The following NRAP variants were observed in gnomAD, a reference collection of about 807,000 sequenced individuals.
NRAP encodes the protein nebulin related anchoring protein.
Under a neutral mutation model 225.9 loss-of-function variants are expected in NRAP, and 189 were observed. The ratio of observed to expected loss-of-function variants is 0.84; its 90% CI spans 0.74 to 0.94. NRAP has a LOEUF of 0.94. Among genes scored for constraint, NRAP ranks in the 40% least tolerant of loss-of-function variants. The pLI is 0.00. For synonymous variants in NRAP, 769 were observed against 790.7 expected (o/e 0.97, Z 0.46); for missense variants, 2,176 against 2,168.7 (o/e 1.00, Z -0.07).
chr10:113,626,360 T>C (rs1055494115), intron 20 of NRAP, among the ~76,000 whole-genome samples: 1 of 152,174 alleles, frequency 6.6e-6, no homozygotes, highest in African/African-American at 2.4e-5. Flanking sequence ...GAATGGGAAA[T>C]GTAATTTTCT....
At chr10:113,610,852 T>C (rs1564712649) in intron 30 of NRAP, among the ~76,000 whole-genome samples, 1 of 152,172 alleles carries the variant, frequency 6.6e-6, no homozygotes. Flanking sequence ...ATGTGGGCTA[T>C]CAAAAAATAA....
At chr10:113,628,692 T>A (rs1848414307) in intron 20 of NRAP, among the ~76,000 whole-genome samples, 1 of 152,242 alleles carries the variant, frequency 6.6e-6, no homozygotes, top group Non-Finnish European at 1.5e-5. Context: ...ATGTAACTGC[T>A]ACTTAAAGTA....
intron 10 of NRAP, among the ~76,000 whole-genome samples, chr10:113,646,599 T>C (rs1208703769): frequency 6.6e-6 from 1 of 152,258 alleles, no homozygotes; most frequent in Non-Finnish European, 1.5e-5. Context: ...ATATGACTTA[T>C]TTTAATCAGC....
chr10:113,637,976 G>T (rs1469459334), intron 14 of NRAP, among the ~76,000 whole-genome samples: 2 of 152,002 alleles, frequency 1.3e-5, no homozygotes, highest in African/African-American at 4.8e-5. Flanking sequence ...AAGGAGAAAA[G>T]TTTTTGCATG....
At position 113,645,812 on chromosome 10, in the gene NRAP, C is replaced by T. The variant is rs776368973; in HGVS notation, c.1110+13G>A. ...GGTGATGCTCATGGGTGTGACTCTT[C>T]CCCCATACGCACCTCACTCACGAGT... On this transcript the variant is annotated intron_variant, in intron 11 of 41. Transcript: ENST00000359988. 1.2e-5 allele frequency: 16 copies of T among 1,315,468 alleles called. No individual in the cohort carries two copies. Among genetic ancestry groups the T allele is most frequent in the African/African-American group, 4.3e-5 (3 of 70,182 alleles). 81.5% of individuals were successfully genotyped at this position (1,315,468 alleles called of 1,614,324 possible).
At chr10:113,623,486 G>T in intron 23 of NRAP, 43 bp downstream of exon 23, 1 of 1,284,674 alleles carries the variant, frequency 7.8e-7, no homozygotes, top group Non-Finnish European at 1.1e-6. Context: ...GTATAAAAAG[G>T]CAGGATTCTG....
intron 20 of NRAP, among the ~76,000 whole-genome samples, chr10:113,626,871 C>A (rs1435094659): frequency 6.6e-6 from 1 of 152,234 alleles, no homozygotes; most frequent in East Asian, 1.9e-4. Context: ...TTTCAATGTG[C>A]TAATTCTGTC....
At chr10:113,647,577 T>TGGTACTGTCTCCCCC (rs1564752674) in intron 9 of NRAP, among the ~76,000 whole-genome samples, 1 of 29,344 alleles carries the variant, frequency 3.4e-5, no homozygotes, top group Non-Finnish European at 8.8e-5. Context: ...CTGCCTCCCC[T>TGGTACTGTCTCCCCC]GGTGGTACTT....
intron 19 of NRAP, among the ~76,000 whole-genome samples, chr10:113,629,313 G>A (rs1202678253): frequency 6.6e-6 from 1 of 152,054 alleles, no homozygotes; most frequent in Non-Finnish European, 1.5e-5. Context: ...AAATTTCCAA[G>A]ATTTATTTAC....
chr10:113,624,851 C>G lies in NRAP; in HGVS notation c.2324G>C (p.Arg775Pro). The change falls in exon 22 of 42, where the codon CGA becomes CCA. Residue 775 changes from arginine to proline, a missense_variant. Physicochemically the swap from Arg to Pro is moderately radical, Grantham distance 103. Around this residue, in one of 3 missense-constraint regions of NRAP, gnomAD observed 1,708 missense variants for 1,695.5 expected, o/e 1.01. Coordinates refer to ENST00000359988, the MANE Select transcript of NRAP (RefSeq NM_198060.4). ...SKDEPLFLQA[R>P]ANAANLSEKL... ...CTCGCTGAGATTTGCAGCATTGGCT[C>G]GGGCCTGCAGGAAGAGAGGCTCGTC... is the stretch of plus-strand genomic sequence containing the variant. 2 of 1,614,008 alleles carry G rather than the reference C, an allele frequency of 1.2e-6. No homozygotes were observed. Among genetic ancestry groups the G allele is most frequent in the Non-Finnish European group, 1.7e-6 (2 of 1,179,904 alleles).
chr10:113,624,727 T>C, intron 22 of NRAP, 99 bp downstream of exon 22: 1 of 808,234 alleles, frequency 1.2e-6, no homozygotes. Flanking sequence ...GTAACCTCAG[T>C]TGATACAGAC....
At position 113,646,982 on chromosome 10, in the gene NRAP, G is replaced by T. The variant is rs767436238; in HGVS notation, c.934C>A (p.Pro312Thr). ...YEEHRGKGSF[P>T]AMITPAYQNA... The stretch of plus-strand genomic sequence containing the variant: ...TGATATGCTGGAGTGATCATAGCTG[G>T]GAAGCTGCCCTTTCCCCTGTGCTCC... Residue 312 changes from proline (P) to threonine (T), a missense_variant, in exon 10 of 42, where the codon CCA becomes ACA. This residue lies in a region of NRAP where 1,708 missense variants were observed against 1,695.5 expected (regional missense o/e 1.01). Transcript: ENST00000359988. 2 of 1,613,950 alleles carry T rather than the reference G, an allele frequency of 1.2e-6. No individual in the cohort carries two copies. Among genetic ancestry groups the T allele is most frequent in the East Asian group, 2.2e-5 (1 of 44,886 alleles).
In NRAP at chr10:113,620,611, A is replaced by T; in HGVS notation, c.2867T>A (p.Ile956Asn). ...VEQAKKAGELISEKKYRQHPD... is the reference protein window; with the variant it reads ...VEQAKKAGELNSEKKYRQHPD... Reference sequence around the variant, plus strand: ...GCTGTCAGGAAATCTCACCTCGCTAATGAGTTCTCCTGCCTTCTTCGCCTG... The same window carrying T: ...GCTGTCAGGAAATCTCACCTCGCTATTGAGTTCTCCTGCCTTCTTCGCCTG... The change falls in exon 25 of 42, where the codon ATT (isoleucine) becomes AAT (asparagine). Residue 956 changes from isoleucine to asparagine, a missense_variant. Transcript: ENST00000359988. 9 of 1,607,312 alleles carry T rather than the reference A, an allele frequency of 5.6e-6. No individual in the cohort carries two copies. Among genetic ancestry groups the T allele is most frequent in the Non-Finnish European group, 7.7e-6 (9 of 1,173,958 alleles).
chr10:113,643,329 G>C (rs1187576472), intron 11 of NRAP, among the ~76,000 whole-genome samples: 1 of 152,144 alleles, frequency 6.6e-6, no homozygotes, highest in East Asian at 1.9e-4. Context: ...TTACAACTCA[G>C]GTAGTTACTC....
chr10:113,620,587 C>G lies in NRAP; in HGVS notation c.2874+17G>C. 6.7e-7 allele frequency: 1 copy of G among 1,499,854 alleles called. No homozygotes were observed. The highest frequency in any genetic ancestry group is 9.3e-7 in the Non-Finnish European group (1 of 1,075,938). The allele number at this position is 1,499,854 out of a possible 1,614,324, so 92.9% of individuals were successfully genotyped here. A position where few individuals can be genotyped will look rare whatever the true frequency, so the allele number is the denominator to read the frequency against. ...CTAATGCAGCCAGGCCTGTTACAGG[C>G]TGTCAGGAAATCTCACCTCGCTAAT... is the stretch of plus-strand genomic sequence containing the variant. On this transcript the variant is annotated intron_variant, in intron 25 of 41. Coordinates refer to ENST00000359988, the MANE Select transcript of NRAP (RefSeq NM_198060.4).
In NRAP at chr10:113,653,941, T is replaced by C. The variant is rs567173786; in HGVS notation, c.465+80A>G. ...GATAGCATCATTCTGTCTACCGAAA[T>C]TGTAAAAGTCAAGGAACAGTCAAAC... On this transcript the variant is annotated intron_variant, in intron 5 of 41. Transcript: ENST00000359988. 3 of 861,854 alleles carry C rather than the reference T, an allele frequency of 3.5e-6. No individual in the cohort carries two copies. In the African/African-American group the frequency reaches 5.0e-5, roughly 14 times the overall value. 53.4% of individuals were successfully genotyped at this position (861,854 alleles called of 1,614,324 possible).
At position 113,588,972 on chromosome 10, in the gene NRAP, G is replaced by A. The variant is rs1845751741; in HGVS notation, c.*3C>T. On this transcript the variant is annotated 3_prime_UTR_variant, in exon 42 of 42. Coordinates refer to ENST00000359988, the MANE Select transcript of NRAP (RefSeq NM_198060.4). ...GCCTCTCAGGAATCAGGGTGGACAT[G>A]GCTCACAACAGCAGGGCCTTCTTCT... 6.2e-7 allele frequency: 1 copy of A among 1,610,496 alleles called. No individual in the cohort carries two copies.
chr10:113,653,064 A>G (rs1190601960), intron 5 of NRAP, 25 bp from the exon 6 acceptor site: 3 of 1,312,874 alleles, frequency 2.3e-6, no homozygotes, highest in South Asian at 1.3e-5. Context: ...CAATGTCAGC[A>G]TGAGAACTGA....
At chr10:113,640,398 TG>T (rs1849134675) in intron 13 of NRAP, 67 bp from the exon 14 acceptor site, 2 of 875,628 alleles carry the variant, frequency 2.3e-6, no homozygotes, top group Admixed American at 2.6e-5. Flanking sequence ...TTTGTTTGAA[TG>T]CCATAAGAAA....
Sources: allele counts gnomAD v4.1 joint callset (sites outside exome capture counted in the v4.1 genomes callset), GRCh38; gene constraint gnomAD v4.1.1; regional missense constraint gnomAD v4.1.1; transcripts MANE v1.5; gene names NCBI Gene and HGNC (gene_info 2026-07-23, HGNC 2026-07-21).